The following SPEF2 variants were observed in gnomAD, a reference collection of about 807,000 sequenced individuals.
SPEF2 encodes the protein sperm flagella and cilia-associated protein 2.
Under a neutral mutation model 224.6 loss-of-function variants are expected in SPEF2, and 187 were observed. That is an observed-to-expected ratio of 0.83 (90% confidence interval 0.74 to 0.94). The LOEUF (loss-of-function observed/expected upper bound fraction) is 0.94. Ranked by LOEUF, SPEF2 falls within the 40% of genes least tolerant of loss-of-function variation. The pLI is 0.00. For missense variants in SPEF2, 2,170 were observed against 2,135.6 expected (o/e 1.02, Z -0.32); for synonymous variants, 715 against 707.3 (o/e 1.01, Z -0.17).
chr5:35,660,572 A>G (rs1749563299), intron 8 of SPEF2, among the ~76,000 whole-genome samples: 1 of 152,128 alleles, frequency 6.6e-6, no homozygotes, highest in Non-Finnish European at 1.5e-5. Flanking sequence ...AGAGAACCAT[A>G]CCCCATGAAT....
chr5:35,661,216 T>G (rs190872781), intron 8 of SPEF2, among the ~76,000 whole-genome samples: 10 of 144,166 alleles, frequency 6.9e-5, no homozygotes, highest in African/African-American at 2.5e-4. Context: ...ATTCTACTTC[T>G]TTTATGTGAA....
In SPEF2 at chr5:35,700,247, G is replaced by A; in HGVS notation, c.2142-249G>A. 3 of 505,752 alleles carry A rather than the reference G, an allele frequency of 5.9e-6. No individual in the cohort carries two copies. The South Asian group carries it at 7.4e-5, about 13-fold the overall frequency. 31.3% of individuals were successfully genotyped at this position (505,752 alleles called of 1,614,324 possible). A position where few individuals can be genotyped will look rare whatever the true frequency, so the allele number is the denominator to read the frequency against. ...ATGGAAAGGGACTAATACAGGTGTG[G>A]CCAGTTAATTTTAATGTGTTAAAGC... On this transcript the variant is annotated intron_variant, in intron 15 of 36. Coordinates refer to ENST00000356031, the MANE Select transcript of SPEF2 (RefSeq NM_024867.4).
At chr5:35,729,495 A>G (rs989920747) in intron 21 of SPEF2, among the ~76,000 whole-genome samples, 1 of 152,110 alleles carries the variant, frequency 6.6e-6, no homozygotes, top group African/African-American at 2.4e-5. Flanking sequence ...CCAGGCACTA[A>G]GCAAGATGAA....
Position 35,759,572 on chromosome 5 carries a change from A to G in SPEF2, c.3473A>G (p.Glu1158Gly), listed in dbSNP as rs1343854900. Residue 1158 changes from glutamate to glycine, a missense_variant, in exon 25 of 37, where the codon GAG (glutamate) becomes GGG (glycine). Physicochemically the swap from Glu to Gly is moderately conservative, Grantham distance 98. Transcript: ENST00000356031. ...CATTCACATTTGCTATTAAAGGCAG[A>G]GCTGAACCGTTTCCAAGATACAAAG... ...MNHFFSLMQA[E>G]LNRFQDTKRL... 6.3e-7 allele frequency: 1 copy of G among 1,589,752 alleles called. No homozygotes were observed. The highest frequency in any genetic ancestry group is 1.3e-5 in the African/African-American group (1 of 74,722).
At position 35,678,995 on chromosome 5, in the gene SPEF2, G is replaced by A. The variant is rs112187062; in HGVS notation, c.1524+8768G>A. On this transcript the variant is annotated intron_variant, in intron 10 of 36. Coordinates refer to ENST00000356031, the MANE Select transcript of SPEF2 (RefSeq NM_024867.4). The stretch of plus-strand genomic sequence containing the variant: ...AATTTAGGCAGTTCTTCCAGACTTC[G>A]TCAGGGTTTGGGGGTAGTTGGAGGA... 7.3e-3 allele frequency among the ~76,000 whole-genome samples: 1,116 copies of A among 152,284 alleles called. 13 individuals carry two copies. Among genetic ancestry groups the A allele is most frequent in the South Asian group, 0.062 (297 of 4,828 alleles).
chr5:35,728,859 A>AAT (rs965323751), intron 21 of SPEF2, among the ~76,000 whole-genome samples: 8 of 152,000 alleles, frequency 5.3e-5, no homozygotes, highest in Admixed American at 3.9e-4. Flanking sequence ...AAGCTACTTT[A>AAT]ATATATATAC....
chr5:35,774,351 A>G (rs529796863), intron 28 of SPEF2, among the ~76,000 whole-genome samples: 1 of 152,346 alleles, frequency 6.6e-6, no homozygotes, highest in African/African-American at 2.4e-5. Context: ...GAAAATGTTG[A>G]AAGTTCGTAT....
rs1324497450 is a variant in SPEF2, at chr5:35,654,906, T to TGTACTAGAGTA, written c.978+180_978+181insGTACTAGAGTA. Reference sequence around the variant, plus strand: ...AGAAAAGTAGCTATTTACTAAAGAATCTAAAATCTGGTGATAGTTGTACAA... The same window carrying TGTACTAGAGTA: ...AGAAAAGTAGCTATTTACTAAAGAATGTACTAGAGTACTAAAATCTGGTGATAGTTGTACAA... On this transcript the variant is annotated intron_variant, in intron 7 of 36. Coordinates refer to ENST00000356031, the MANE Select transcript of SPEF2 (RefSeq NM_024867.4). Among the ~76,000 whole-genome samples, 329 of 152,300 alleles carry TGTACTAGAGTA rather than the reference T, an allele frequency of 2.2e-3. 1 individual carries two copies. Among genetic ancestry groups the TGTACTAGAGTA allele is most frequent in the African/African-American group, 7.7e-3 (319 of 41,558 alleles).
intron 24 of SPEF2, among the ~76,000 whole-genome samples, chr5:35,754,830 C>A (rs897106391): frequency 1.2e-4 from 18 of 152,152 alleles, no homozygotes; most frequent in African/African-American, 3.9e-4. Context: ...CATTTCTGAT[C>A]CTTAATTGAT....
In SPEF2 at chr5:35,628,529, T is replaced by C. The variant is rs1744597046; in HGVS notation, c.128T>C (p.Leu43Pro). The C allele has an allele frequency of 6.2e-7, 1 of 1,613,782 alleles. No homozygotes were observed. The highest frequency in any genetic ancestry group is 1.3e-5 in the African/African-American group (1 of 74,922). ...GGAGAAGTTCTACACAAGTTTGAAC[T>C]TCAGGATGATTTTTCAGAATTTTTG... ...LLGEVLHKFELQDDFSEFLDS... is the reference protein window; with the variant it reads ...LLGEVLHKFEPQDDFSEFLDS... Residue 43 changes from leucine to proline, a missense_variant, in exon 2 of 37, where the codon CTT becomes CCT. By Grantham distance (98) the Leu-to-Pro change is moderately conservative. Transcript: ENST00000356031.
In SPEF2 at chr5:35,654,533, T is replaced by G. The variant is rs1331464065; in HGVS notation, c.792-7T>G. 3 of 1,557,046 alleles carry G rather than the reference T, an allele frequency of 1.9e-6. No individual in the cohort carries two copies. The highest frequency in any genetic ancestry group is 2.6e-6 in the Non-Finnish European group (3 of 1,159,386). On this transcript the variant is annotated splice_polypyrimidine_tract_variant and splice_region_variant and intron_variant, in intron 6 of 36. Transcript: ENST00000356031. ...TAAAAATCTAAAATAAAAACTATTA[T>G]TCTTAGTGCATCCAAGACTTCTTTA...
chr5:35,649,608 T>C (rs539066826), intron 6 of SPEF2, among the ~76,000 whole-genome samples, 183 bp downstream of exon 6: 17 of 152,348 alleles, frequency 1.1e-4, no homozygotes, highest in Admixed American at 9.1e-4. Context: ...GCAACTGTTA[T>C]AAATATCTGA....
At position 35,795,636 on chromosome 5, in the gene SPEF2, T is replaced by C. The variant is rs716971; in HGVS notation, c.4738-67T>C. On this transcript the variant is annotated intron_variant, in intron 32 of 36. Transcript: ENST00000356031. Reference sequence around the variant, plus strand: ...AGAGACAAGATTGGCTCAGTCTCTGTGGCTTTTAGAGGAACATCTCAGCAA... The same window carrying C: ...AGAGACAAGATTGGCTCAGTCTCTGCGGCTTTTAGAGGAACATCTCAGCAA... The C allele has an allele frequency of 0.58, 820,684 of 1,409,914 alleles. 245,238 individuals carry two copies. Among genetic ancestry groups the C allele is most frequent in the East Asian group, 0.66 (28,403 of 42,920 alleles). The allele number at this position is 1,409,914 out of a possible 1,614,324, so 87.3% of individuals were successfully genotyped here.
chr5:35,682,564 T>C (rs897855822), intron 10 of SPEF2, among the ~76,000 whole-genome samples: 3 of 152,186 alleles, frequency 2.0e-5, no homozygotes, highest in Non-Finnish European at 2.9e-5. Context: ...TGGGAAGTTC[T>C]AGTGATCCAT....
chr5:35,629,279 G>A (rs796354700), intron 2 of SPEF2, among the ~76,000 whole-genome samples: 24 of 143,690 alleles, frequency 1.7e-4, no homozygotes, highest in African/African-American at 5.2e-4. Context: ...TCAGCCTCCC[G>A]AGTAGCTGGG....
chr5:35,788,968 A>C (rs1377999738), intron 30 of SPEF2: 1 of 703,034 alleles, frequency 1.4e-6, no homozygotes. Flanking sequence ...GGCTTCATGG[A>C]TTACAGGCAG....
At chr5:35,671,789 A>G (rs1299454854) in intron 10 of SPEF2, among the ~76,000 whole-genome samples, 1 of 151,884 alleles carries the variant, frequency 6.6e-6, no homozygotes, top group Non-Finnish European at 1.5e-5. Context: ...CTTTTGCAGA[A>G]AATTGTAAAC....
chr5:35,657,804 GC>G (rs1749160809), intron 7 of SPEF2, among the ~76,000 whole-genome samples: 1 of 152,254 alleles, frequency 6.6e-6, no homozygotes, highest in African/African-American at 2.4e-5. Context: ...ATTAAGGTTT[GC>G]CCCAAGTCAG....
chr5:35,731,765 G>A (rs114115858), intron 21 of SPEF2, among the ~76,000 whole-genome samples: 2,869 of 152,236 alleles, frequency 0.019, 66 homozygotes, highest in South Asian at 0.054. Flanking sequence ...CTATGATTTT[G>A]TGTTCCCTAA....
Sources: allele counts gnomAD v4.1 joint callset (sites outside exome capture counted in the v4.1 genomes callset), GRCh38; gene constraint gnomAD v4.1.1; transcripts MANE v1.5; gene names NCBI Gene and HGNC (gene_info 2026-07-23, HGNC 2026-07-21).